Variants in AFF2 observed in about 807,000 individuals in gnomAD.
AFF2 encodes the protein ALF transcription elongation factor 2, also known as AF4/FMR2 family member 2.
AFF2 carries 14 observed loss-of-function variants against 76.9 expected under a neutral mutation model. That is an observed-to-expected ratio of 0.18 (90% CI 0.12 to 0.28). The LOEUF (loss-of-function observed/expected upper bound fraction) is 0.28. Ranked by LOEUF, AFF2 falls within the 10% of genes least tolerant of loss-of-function variation. The probability of loss-of-function intolerance (pLI) is 1.00; values close to 1 mark genes in which losing one functional copy is unlikely to be tolerated. For missense variants in AFF2, 868 were observed against 1,001.1 expected, an observed-to-expected ratio of 0.87 and a Z score of 1.79; for synonymous variants, 398 against 366.7, an observed-to-expected ratio of 1.09 and a Z score of -0.98.
chrX:148,756,420 G>T (rs1297697265), intron 3 of AFF2, among the ~76,000 whole-genome samples: 1 of 112,166 alleles, frequency 8.9e-6, no homozygotes, highest in African/African-American at 3.2e-5. Flanking sequence ...CATTTTGCTG[G>T]TGAATTATGA....
At chrX:148,696,145 T>A (rs1456366118) in intron 3 of AFF2, among the ~76,000 whole-genome samples, 1 of 111,703 alleles carries the variant, frequency 9.0e-6, no homozygotes, top group African/African-American at 3.3e-5. Flanking sequence ...ACATCCACAT[T>A]ATTTTGGAAT....
At chrX:148,816,108 A>G (rs1427776766) in intron 4 of AFF2, among the ~76,000 whole-genome samples, 1 of 111,774 alleles carries the variant, frequency 8.9e-6, no homozygotes, top group Non-Finnish European at 1.9e-5. Flanking sequence ...ACAGCTTCCA[A>G]CTGTTGTCTA....
intron 3 of AFF2, among the ~76,000 whole-genome samples, chrX:148,753,257 A>G (rs1557266623): frequency 1.8e-5 from 2 of 112,501 alleles, no homozygotes; most frequent in South Asian, 3.6e-4. Flanking sequence ...TTACAAAAAT[A>G]GCTGCCTCTG....
chrX:148,575,558 A>G (rs782507241), intron 1 of AFF2, among the ~76,000 whole-genome samples: 19 of 111,061 alleles, frequency 1.7e-4, no homozygotes, highest in African/African-American at 4.6e-4. Flanking sequence ...AGTGTATTCA[A>G]ATCACCCTGA....
intron 12 of AFF2, among the ~76,000 whole-genome samples, chrX:148,960,819 A>G (rs1557287924): frequency 8.9e-6 from 1 of 111,904 alleles, no homozygotes; most frequent in Admixed American, 9.4e-5. Context: ...TGAGGAATTG[A>G]GTGCAGGTGG....
At chrX:148,667,031 A>C (rs2054367423) in intron 3 of AFF2, among the ~76,000 whole-genome samples, 1 of 112,358 alleles carries the variant, frequency 8.9e-6, no homozygotes, top group Admixed American at 9.4e-5. Flanking sequence ...TACAAAACTA[A>C]CGTGTAGAGT....
At chrX:148,537,545 GTT>G (rs57366070) in intron 1 of AFF2, among the ~76,000 whole-genome samples, 58 of 103,469 alleles carry the variant, frequency 5.6e-4, no homozygotes, top group Admixed American at 1.6e-3. Flanking sequence ...GATTTTTTAA[GTT>G]TTTTTTTTTT....
At chrX:148,942,872 A>G (rs933705071) in intron 9 of AFF2, among the ~76,000 whole-genome samples, 4 of 111,259 alleles carry the variant, frequency 3.6e-5, no homozygotes, top group African/African-American at 6.5e-5. Flanking sequence ...ATGATGAGTC[A>G]GGAAGAGAAG....
chrX:148,857,790 A>G (rs73609904), intron 7 of AFF2, among the ~76,000 whole-genome samples: 4,106 of 111,326 alleles, frequency 0.037, 145 homozygotes, highest in African/African-American at 0.1. Flanking sequence ...CTGTTCAAAA[A>G]TTATAGAATA....
chrX:148,706,510 T>C (rs2054886291), intron 3 of AFF2, among the ~76,000 whole-genome samples: 1 of 112,574 alleles, frequency 8.9e-6, no homozygotes, highest in Non-Finnish European at 1.9e-5. Context: ...CTTCCACTAC[T>C]GTAATACCTT....
intron 9 of AFF2, among the ~76,000 whole-genome samples, chrX:148,928,913 T>C (rs782728598): frequency 8.9e-6 from 1 of 112,409 alleles, no homozygotes; most frequent in South Asian, 3.7e-4. Context: ...TTACTAGTAG[T>C]TGAGAATGGA....
chrX:148,550,897 A>G (rs2052982129), intron 1 of AFF2, among the ~76,000 whole-genome samples: 1 of 109,468 alleles, frequency 9.1e-6, no homozygotes, highest in Non-Finnish European at 1.9e-5. Flanking sequence ...CACCACTGAC[A>G]TTTGCAGCCA....
At chrX:148,892,913 G>A (rs115040551) in intron 8 of AFF2, among the ~76,000 whole-genome samples, 1,544 of 111,892 alleles carry the variant, frequency 0.014, 40 homozygotes, top group African/African-American at 0.048. Flanking sequence ...ACATCGATAC[G>A]ACACACACAG....
intron 9 of AFF2, among the ~76,000 whole-genome samples, chrX:148,944,448 G>A (rs199822271): frequency 4.5e-5 from 5 of 111,278 alleles, no homozygotes; most frequent in Non-Finnish European, 9.4e-5. Flanking sequence ...CAGAGCTCAC[G>A]GGAGTCAGTG....
At chrX:148,569,061 C>T (rs2053200177) in intron 1 of AFF2, among the ~76,000 whole-genome samples, 1 of 110,654 alleles carries the variant, frequency 9.0e-6, no homozygotes, top group East Asian at 2.9e-4. Context: ...TAAGAAGTGG[C>T]CCCTTACTGG....
At chrX:148,502,322 G>T (rs781850904) in intron 1 of AFF2, among the ~76,000 whole-genome samples, 2 of 112,320 alleles carry the variant, frequency 1.8e-5, no homozygotes, top group African/African-American at 6.5e-5. Context: ...TTTTTACAAG[G>T]ATTTCCCCTG....
In AFF2 at chrX:148,964,563, C is replaced by T. The variant is rs187090254; in HGVS notation, c.2913+1626C>T. On this transcript the variant is annotated intron_variant, in intron 13 of 20. Transcript: ENST00000370460. Reference sequence around the variant, plus strand: ...ACCAAAGGCCAAAACCATGTGATTCCGTTGACATGAGGTCCCTGGAGTAGT... The same window carrying T: ...ACCAAAGGCCAAAACCATGTGATTCTGTTGACATGAGGTCCCTGGAGTAGT... Among the ~76,000 whole-genome samples, 470 of 111,757 alleles carry T rather than the reference C, an allele frequency of 4.2e-3. 2 individuals are homozygous for T. The highest frequency in any genetic ancestry group is 6.2e-3 in the Non-Finnish European group (332 of 53,169).
At chrX:148,829,807 G>C (rs1330603346) in intron 4 of AFF2, among the ~76,000 whole-genome samples, 1 of 111,710 alleles carries the variant, frequency 9.0e-6, no homozygotes, top group Non-Finnish European at 1.9e-5. Context: ...AAGACAGTAG[G>C]CTCCATGATT....
At chrX:148,623,600 A>AATATATATATATATATATAT (rs782158598) in intron 1 of AFF2, among the ~76,000 whole-genome samples, 25 of 101,469 alleles carry the variant, frequency 2.5e-4, no homozygotes, top group Middle Eastern at 4.8e-3. Flanking sequence ...CAAACATTTG[A>AATATATATATATATATATAT]ATATATATAT....
Sources: allele counts gnomAD v4.1 joint callset (sites outside exome capture counted in the v4.1 genomes callset), GRCh38; gene constraint gnomAD v4.1.1; transcripts MANE v1.5; gene names NCBI Gene and HGNC (gene_info 2026-07-23, HGNC 2026-07-21).